KIRREL3: variants seen among roughly 807,000 people sequenced by gnomAD.
The protein encoded by KIRREL3 is kirre like nephrin family adhesion molecule 3, also known as kin of IRRE-like protein 3.
In KIRREL3, 36 loss-of-function variants were observed where a neutral mutation model predicts 89.7. The observed-to-expected ratio is 0.40, with a 90% CI of 0.31 to 0.53. The LOEUF (loss-of-function observed/expected upper bound fraction) is 0.53, where lower values mean the gene tolerates loss of function less well. Among genes scored for constraint, KIRREL3 ranks in the 20% least tolerant of loss-of-function variants. The pLI is 0.49. For missense variants in KIRREL3, 864 were observed against 1,056.6 expected, an observed-to-expected ratio of 0.82 and a Z score of 2.53; for synonymous variants, 445 against 441.4, an observed-to-expected ratio of 1.01 and a Z score of -0.10.
Position 126,578,110 on chromosome 11 carries a change from A to G in KIRREL3, c.56-15198T>C, listed in dbSNP as rs996645673. Among the ~76,000 whole-genome samples the G allele has an allele frequency of 1.3e-5, 2 of 152,204 alleles. No individual in the cohort carries two copies. The highest frequency in any genetic ancestry group is 2.9e-5 in the Non-Finnish European group (2 of 68,030). On this transcript the variant is annotated intron_variant, in intron 1 of 16. Transcript: ENST00000525144. The surrounding 1 kb of genome is among the most constrained non-coding windows in gnomAD (Gnocchi z 4.9). Reference sequence around the variant, plus strand: ...TACAGCCTTGCAACTTTGCCTCATTAGTCCCAAATTTGCACTGTGAGGCAA... The same window carrying G: ...TACAGCCTTGCAACTTTGCCTCATTGGTCCCAAATTTGCACTGTGAGGCAA...
chr11:126,546,042 G>A (rs1460689916), intron 2 of KIRREL3, among the ~76,000 whole-genome samples: 3 of 152,188 alleles, frequency 2.0e-5, no homozygotes, highest in Non-Finnish European at 2.9e-5. Flanking sequence ...TCAAGATTCT[G>A]GTGATGATTA....
chr11:126,710,931 A>G lies in KIRREL3; in HGVS notation c.56-148019T>C, dbSNP rs1411890922. On this transcript the variant is annotated intron_variant, in intron 1 of 16. Coordinates refer to ENST00000525144, the MANE Select transcript of KIRREL3 (RefSeq NM_032531.4). The surrounding 1 kb of genome is among the most constrained non-coding windows in gnomAD (Gnocchi z 4.2). ...TCTCAACCTGATAGGCCTCTTCACAATGTGCAGGCTGTGATGAGGATGGTG... is the reference window on the plus strand; with the variant it reads ...TCTCAACCTGATAGGCCTCTTCACAGTGTGCAGGCTGTGATGAGGATGGTG... Among the ~76,000 whole-genome samples the G allele has an allele frequency of 1.3e-5, 2 of 152,196 alleles. No homozygotes were observed. The highest frequency in any genetic ancestry group is 4.8e-5 in the African/African-American group (2 of 41,438).
chr11:126,825,696 G>T (rs1592182729), intron 1 of KIRREL3, among the ~76,000 whole-genome samples: 1 of 152,154 alleles, frequency 6.6e-6, no homozygotes, highest in South Asian at 2.1e-4. Context: ...CACCATCCAG[G>T]TTCATTGGTC....
chr11:126,474,950 G>A lies in KIRREL3; in HGVS notation c.434-1484C>T, dbSNP rs1395717114. ...GCTGCTCCCTGGACAAGCCACAGAA[G>A]GGACAGGAGGTGAGGCGACTGTCCT... is the stretch of plus-strand genomic sequence containing the variant. On this transcript the variant is annotated intron_variant, in intron 4 of 16. Transcript: ENST00000525144. This position sits in a 1 kb window ranked among gnomAD's most constrained non-coding sequence, Gnocchi z 6.7. 6.6e-6 allele frequency among the ~76,000 whole-genome samples: 1 copy of A among 152,200 alleles called. No individual in the cohort carries two copies. Among genetic ancestry groups the A allele is most frequent in the African/African-American group, 2.4e-5 (1 of 41,446 alleles).
Position 126,955,996 on chromosome 11 carries a change from C to T in KIRREL3, c.55+44459G>A, listed in dbSNP as rs1002905879. 7.9e-5 allele frequency among the ~76,000 whole-genome samples: 12 copies of T among 152,164 alleles called. No individual in the cohort carries two copies. The highest frequency in any genetic ancestry group is 4.1e-4 in the South Asian group (2 of 4,826). On this transcript the variant is annotated intron_variant, in intron 1 of 16. Transcript: ENST00000525144. This position sits in a 1 kb window ranked among gnomAD's most constrained non-coding sequence, Gnocchi z 4.6. Reference sequence around the variant, plus strand: ...AAAAAGGGACAGGGAACAATGGGGCCATGTTGCCTTCAGGGACCCATTGCT... The same window carrying T: ...AAAAAGGGACAGGGAACAATGGGGCTATGTTGCCTTCAGGGACCCATTGCT...
At position 126,443,193 on chromosome 11, in the gene KIRREL3, T is replaced by C. The variant is rs1001981270; in HGVS notation, c.1252+1786A>G. On this transcript the variant is annotated intron_variant, in intron 10 of 16. Transcript: ENST00000525144. The surrounding 1 kb of genome is among the most constrained non-coding windows in gnomAD (Gnocchi z 7.3). ...CCAGGCTTGGGGGCCCTGGAGTGCA[T>C]GAGTGAGTGTGAGGGTCCCGGGCTG... 2.0e-5 allele frequency among the ~76,000 whole-genome samples: 3 copies of C among 152,046 alleles called. No homozygotes were observed. The highest frequency in any genetic ancestry group is 2.9e-5 in the Non-Finnish European group (2 of 68,004).
intron 1 of KIRREL3, among the ~76,000 whole-genome samples, chr11:126,699,061 AAGGGGTG>A (rs1171515467): frequency 6.6e-6 from 1 of 152,180 alleles, no homozygotes; most frequent in African/African-American, 2.4e-5. Flanking sequence ...TAGTTACTGG[AAGGGGTG>A]CCAGGAGAGA....
rs2135232205 is a variant in KIRREL3, at chr11:126,976,210, A to G, written c.55+24245T>C. ...ACTCCTCCAATTAAGACCCTGCAAT[A>G]TACCTGACAGAGGAAAATTTGTTTA... On this transcript the variant is annotated intron_variant, in intron 1 of 16. Coordinates refer to ENST00000525144, the MANE Select transcript of KIRREL3 (RefSeq NM_032531.4). This position sits in a 1 kb window ranked among gnomAD's most constrained non-coding sequence, Gnocchi z 4.2. 6.6e-6 allele frequency among the ~76,000 whole-genome samples: 1 copy of G among 152,276 alleles called. No homozygotes were observed. Among genetic ancestry groups the G allele is most frequent in the African/African-American group, 2.4e-5 (1 of 41,558 alleles).
In KIRREL3 at chr11:126,566,955, G is replaced by A. The variant is rs1233488189; in HGVS notation, c.56-4043C>T. Among the ~76,000 whole-genome samples, 1 of 152,180 alleles carries A rather than the reference G, an allele frequency of 6.6e-6. No individual in the cohort carries two copies. Among genetic ancestry groups the A allele is most frequent in the Non-Finnish European group, 1.5e-5 (1 of 68,034 alleles). Reference sequence around the variant, plus strand: ...AAGGCCAACACACTAGCTGGTGATAGTGCCCATGCTGGAACCCATGGCTGA... The same window carrying A: ...AAGGCCAACACACTAGCTGGTGATAATGCCCATGCTGGAACCCATGGCTGA... On this transcript the variant is annotated intron_variant, in intron 1 of 16. Transcript: ENST00000525144. The surrounding 1 kb of genome is among the most constrained non-coding windows in gnomAD (Gnocchi z 4.9).
At chr11:126,598,768 T>C (rs56000419) in intron 1 of KIRREL3, among the ~76,000 whole-genome samples, 6,605 of 152,334 alleles carry the variant, frequency 0.043, 426 homozygotes, top group African/African-American at 0.15. Context: ...TGAGGGACTT[T>C]GGGCAAGTCA....
chr11:126,456,649 C>A (rs1203299697), intron 6 of KIRREL3, among the ~76,000 whole-genome samples, 195 bp from the exon 7 acceptor site: 4 of 152,194 alleles, frequency 2.6e-5, no homozygotes, highest in Non-Finnish European at 5.9e-5. Context: ...GGGAACAGGG[C>A]CTCCCCGTGG....
chr11:126,932,387 T>C (rs1947987959), intron 1 of KIRREL3, among the ~76,000 whole-genome samples: 1 of 152,182 alleles, frequency 6.6e-6, no homozygotes, highest in Admixed American at 6.5e-5. Context: ...CTCAATGCAT[T>C]CAACCCAACA....
At chr11:126,758,796 T>G (rs1460439672) in intron 1 of KIRREL3, among the ~76,000 whole-genome samples, 1 of 152,186 alleles carries the variant, frequency 6.6e-6, no homozygotes, top group Non-Finnish European at 1.5e-5. Flanking sequence ...TAGATGACAA[T>G]TTCTCCCTCA....
At chr11:126,657,433 G>T (rs1945199257) in intron 1 of KIRREL3, among the ~76,000 whole-genome samples, 1 of 152,186 alleles carries the variant, frequency 6.6e-6, no homozygotes, top group African/African-American at 2.4e-5. Context: ...AACCCAGAAA[G>T]ACATGGATCA....
chr11:126,854,669 T>C (rs1290116915), intron 1 of KIRREL3, among the ~76,000 whole-genome samples: 1 of 152,248 alleles, frequency 6.6e-6, no homozygotes, highest in Non-Finnish European at 1.5e-5. Context: ...TTGTGAATAA[T>C]GTTGCCATGA....
At chr11:126,762,192 T>TAAATAAATAAAC (rs1302705451) in intron 1 of KIRREL3, among the ~76,000 whole-genome samples, 9 of 151,026 alleles carry the variant, frequency 6.0e-5, no homozygotes, top group African/African-American at 1.7e-4. Flanking sequence ...AATAAATAAA[T>TAAATAAATAAAC]AAACAAACAA....
rs745853304 is a variant in KIRREL3, at chr11:126,424,915, G to A, written c.2002C>T (p.Arg668Cys). The change falls in exon 17 of 17, where the codon CGT becomes TGT. Residue 668 changes from arginine (R) to cysteine (C), a missense_variant. Physicochemically the swap from Arg to Cys is radical, Grantham distance 180. Transcript: ENST00000525144. ...QPDLRPAGKQ[R>C]VPTGMSFTNI... ...GTGAAGGACATGCCTGTGGGCACAC[G>A]CTGCTTGCCCGCAGGACGCAGGTCG... is the stretch of plus-strand genomic sequence containing the variant. 13 of 1,606,818 alleles carry A rather than the reference G, an allele frequency of 8.1e-6. No homozygotes were observed. In the East Asian group the frequency reaches 8.9e-5, roughly 11 times the overall value.
In KIRREL3 at chr11:126,896,563, G is replaced by A. The variant is rs1946165903; in HGVS notation, c.55+103892C>T. ...AGGGTATCCTAGTGAATGGAATGATGATGCAAATATCCTAGAAAGCTGTGT... is the reference window on the plus strand; with the variant it reads ...AGGGTATCCTAGTGAATGGAATGATAATGCAAATATCCTAGAAAGCTGTGT... On this transcript the variant is annotated intron_variant, in intron 1 of 16. Transcript: ENST00000525144. This position sits in a 1 kb window ranked among gnomAD's most constrained non-coding sequence, Gnocchi z 4.1. Among the ~76,000 whole-genome samples, 1 of 152,216 alleles carries A rather than the reference G, an allele frequency of 6.6e-6. No individual in the cohort carries two copies. The highest frequency in any genetic ancestry group is 2.4e-5 in the African/African-American group (1 of 41,456).
In KIRREL3 at chr11:126,892,639, G is replaced by A. The variant is rs1242008504; in HGVS notation, c.55+107816C>T. Among the ~76,000 whole-genome samples, 4 of 152,192 alleles carry A rather than the reference G, an allele frequency of 2.6e-5. No individual in the cohort carries two copies. The highest frequency in any genetic ancestry group is 7.2e-5 in the African/African-American group (3 of 41,442). On this transcript the variant is annotated intron_variant, in intron 1 of 16. Transcript: ENST00000525144. The surrounding 1 kb of genome is among the most constrained non-coding windows in gnomAD (Gnocchi z 5.4). The stretch of plus-strand genomic sequence containing the variant: ...GTATGTATTATGTGTGTGTGTTTCC[G>A]GTGGGCAGGTGTGGCTGGAGGCATG...
Sources: allele counts gnomAD v4.1 joint callset (sites outside exome capture counted in the v4.1 genomes callset), GRCh38; gene constraint gnomAD v4.1.1; non-coding constraint Gnocchi (gnomAD v3.1); transcripts MANE v1.5; gene names NCBI Gene and HGNC (gene_info 2026-07-23, HGNC 2026-07-21).